Variants in RASAL2 observed in about 807,000 individuals in gnomAD.
RASAL2 encodes the protein RAS protein activator like 2, also known as ras GTPase-activating protein nGAP.
In RASAL2, 58 loss-of-function variants were observed where a neutral mutation model predicts 128.9. The observed-to-expected ratio is 0.45, with a 90% CI of 0.36 to 0.56. RASAL2 has a LOEUF of 0.56. RASAL2 is among the 20% of genes least tolerant of loss of function. RASAL2 has a pLI of 0.00. For synonymous variants in RASAL2, 561 were observed against 580.8 expected (o/e 0.97, Z 0.49); for missense variants, 1,360 against 1,601.6 (o/e 0.85, Z 2.57).
At chr1:178,396,403 G>C (rs759858074) in intron 4 of RASAL2, among the ~76,000 whole-genome samples, 1 of 152,122 alleles carries the variant, frequency 6.6e-6, no homozygotes, top group African/African-American at 2.4e-5. Context: ...TTCACAATGA[G>C]AGATAAACAC....
chr1:178,328,420 C>T (rs1171619975), intron 3 of RASAL2, among the ~76,000 whole-genome samples: 6 of 152,058 alleles, frequency 3.9e-5, no homozygotes, highest in South Asian at 2.1e-4. Flanking sequence ...ATATTCCAAT[C>T]GTTATTCTAA....
intron 2 of RASAL2, among the ~76,000 whole-genome samples, chr1:178,297,837 T>C (rs1026256007): frequency 2.0e-5 from 3 of 152,170 alleles, no homozygotes; most frequent in African/African-American, 7.2e-5. Flanking sequence ...ATTGTATTTA[T>C]TCTCTCCTTT....
intron 1 of RASAL2, among the ~76,000 whole-genome samples, chr1:178,271,027 C>T (rs1666224954): frequency 6.6e-6 from 1 of 152,138 alleles, no homozygotes. Context: ...ATTTATTTTA[C>T]CCTCCCAGGA....
Position 178,430,907 on chromosome 1 carries a change from TACACAC to T in RASAL2, c.675-8482_675-8477del, listed in dbSNP as rs71297897. Among the ~76,000 whole-genome samples, 1,030 of 134,050 alleles carry T rather than the reference TACACAC, an allele frequency of 7.7e-3. 9 individuals are homozygous for T. The highest frequency in any genetic ancestry group is 0.023 in the African/African-American group (859 of 37,844). The allele number at this position is 134,050 out of a possible 152,430, so 87.9% of individuals were successfully genotyped here. A position where few individuals can be genotyped will look rare whatever the true frequency, so the allele number is the denominator to read the frequency against. ...GAAGGGAAAAACAAAGGCAAAAAAG[TACACAC>T]ACACACACACACACACACACACACA... On this transcript the variant is annotated intron_variant, in intron 5 of 17. Transcript: ENST00000367649.
At chr1:178,191,475 A>G (rs1662493666) in intron 1 of RASAL2, among the ~76,000 whole-genome samples, 1 of 152,212 alleles carries the variant, frequency 6.6e-6, no homozygotes, top group Non-Finnish European at 1.5e-5. Flanking sequence ...CCATCTTGAC[A>G]TAGCCTGGTA....
chr1:178,120,094 G>T (rs541170022), intron 1 of RASAL2, among the ~76,000 whole-genome samples: 12 of 152,160 alleles, frequency 7.9e-5, no homozygotes, highest in Non-Finnish European at 1.2e-4. Flanking sequence ...TTCATTTAAA[G>T]AACTCCAAAG....
intron 1 of RASAL2, among the ~76,000 whole-genome samples, chr1:178,120,131 G>GT: frequency 6.6e-6 from 1 of 152,274 alleles, no homozygotes; most frequent in Middle Eastern, 3.4e-3. Flanking sequence ...AGGGCGCTTG[G>GT]TCTCCATGTG....
At chr1:178,375,920 G>A (rs917547852) in intron 3 of RASAL2, among the ~76,000 whole-genome samples, 1 of 152,070 alleles carries the variant, frequency 6.6e-6, no homozygotes, top group African/African-American at 2.4e-5. Context: ...TCACAGGTGG[G>A]AGCTGTTCAT....
chr1:178,314,534 A>G (rs536278042), intron 3 of RASAL2, among the ~76,000 whole-genome samples: 3 of 152,294 alleles, frequency 2.0e-5, no homozygotes, highest in East Asian at 1.9e-4. Context: ...TATGAATTCA[A>G]ACTACTTTCT....
intron 5 of RASAL2, among the ~76,000 whole-genome samples, chr1:178,437,723 G>A (rs754302444): frequency 5.9e-5 from 9 of 151,896 alleles, no homozygotes; most frequent in East Asian, 1.9e-4. Context: ...CAGGCTTCCC[G>A]TGTAGCATAT....
chr1:178,172,491 A>G (rs934651432), intron 1 of RASAL2, among the ~76,000 whole-genome samples: 1 of 152,066 alleles, frequency 6.6e-6, no homozygotes, highest in African/African-American at 2.4e-5. Context: ...GTGGTTCTCA[A>G]TCCTATCAGA....
At chr1:178,213,171 G>A (rs116068838) in intron 1 of RASAL2, among the ~76,000 whole-genome samples, 2,746 of 152,146 alleles carry the variant, frequency 0.018, 75 homozygotes, top group African/African-American at 0.059. Flanking sequence ...GAGTAGCTGG[G>A]ACTACAGGTG....
intron 1 of RASAL2, among the ~76,000 whole-genome samples, chr1:178,191,710 G>T: frequency 6.6e-6 from 1 of 152,216 alleles, no homozygotes; most frequent in East Asian, 1.9e-4. Flanking sequence ...TATCCCCAAA[G>T]GGCCTCTAGT....
At chr1:178,212,761 G>T (rs1221361150) in intron 1 of RASAL2, among the ~76,000 whole-genome samples, 4 of 152,166 alleles carry the variant, frequency 2.6e-5, no homozygotes, top group Admixed American at 1.3e-4. Flanking sequence ...AAAGTGTTGG[G>T]ATTACAGGCA....
intron 14 of RASAL2, 66 bp from the exon 15 acceptor site, chr1:178,464,210 AGC>A: frequency 6.7e-7 from 1 of 1,492,286 alleles, no homozygotes; most frequent in Non-Finnish European, 9.0e-7. Context: ...TTCCAAGAAT[AGC>A]TGTTTGTGAA....
intron 1 of RASAL2, among the ~76,000 whole-genome samples, chr1:178,259,044 T>C (rs192804314): frequency 4.8e-4 from 73 of 151,420 alleles, no homozygotes; most frequent in African/African-American, 1.3e-3. Flanking sequence ...TATGGAAATA[T>C]AGAGACAGGA....
chr1:178,188,893 T>C (rs1316998777), intron 1 of RASAL2, among the ~76,000 whole-genome samples: 1 of 152,144 alleles, frequency 6.6e-6, no homozygotes, highest in Non-Finnish European at 1.5e-5. Flanking sequence ...TAAAAAGCTA[T>C]GAATACTGTT....
chr1:178,100,802 A>G (rs900256170), intron 1 of RASAL2, among the ~76,000 whole-genome samples: 1 of 152,204 alleles, frequency 6.6e-6, no homozygotes, highest in Non-Finnish European at 1.5e-5. Context: ...GGTGAACCAC[A>G]AAAAAGCATT....
chr1:178,473,059 G>A lies in RASAL2; in HGVS notation c.3679-16G>A. 1 of 1,613,844 alleles carries A rather than the reference G, an allele frequency of 6.2e-7. No individual in the cohort carries two copies. The highest frequency in any genetic ancestry group is 8.5e-7 in the Non-Finnish European group (1 of 1,179,770). On this transcript the variant is annotated splice_polypyrimidine_tract_variant and intron_variant, in intron 17 of 17. Transcript: ENST00000367649. ...CTGCCTGTAGCCTGAATAAAGCCAT[G>A]ATTGGTGTGTTGTAGGAAAAACGGA...
Sources: allele counts gnomAD v4.1 joint callset (sites outside exome capture counted in the v4.1 genomes callset), GRCh38; gene constraint gnomAD v4.1.1; transcripts MANE v1.5; gene names NCBI Gene and HGNC (gene_info 2026-07-23, HGNC 2026-07-21).